The following PDZD2 variants were observed in gnomAD, a reference collection of about 807,000 sequenced individuals.
The protein encoded by PDZD2 is PDZ domain-containing protein 2.
A neutral mutation model predicts 220.7 loss-of-function variants in PDZD2; 90 were observed. The ratio of observed to expected loss-of-function variants is 0.41; its 90% CI spans 0.34 to 0.49. The LOEUF is 0.49. PDZD2 is among the 20% of genes least tolerant of loss of function. The probability of loss-of-function intolerance (pLI) is 0.28; values close to 1 mark genes in which losing one functional copy is unlikely to be tolerated. For missense variants in PDZD2, 3,174 were observed against 3,608.5 expected (o/e 0.88, Z 3.08); for synonymous variants, 1,375 against 1,450.5 (o/e 0.95, Z 1.18).
chr5:31,829,223 G>T (rs1756402941), intron 2 of PDZD2, among the ~76,000 whole-genome samples: 1 of 152,090 alleles, frequency 6.6e-6, no homozygotes, highest in Non-Finnish European at 1.5e-5. Context: ...TAGAGGTGTG[G>T]ATTTTTGGAG....
intron 1 of PDZD2, among the ~76,000 whole-genome samples, chr5:31,737,167 C>CTTTT (rs57379430): frequency 3.9e-3 from 261 of 66,300 alleles, no homozygotes; most frequent in African/African-American, 8.4e-3. Context: ...CAGTCTACTT[C>CTTTT]TTTTTTTTTT....
intron 1 of PDZD2, among the ~76,000 whole-genome samples, chr5:31,693,366 T>A (rs541978453): frequency 1.3e-5 from 2 of 150,986 alleles, no homozygotes; most frequent in African/African-American, 4.9e-5. Context: ...CTCAGCCTCC[T>A]GAGTAGCTGG....
At chr5:32,044,682 C>G (rs1737757488) in intron 7 of PDZD2, among the ~76,000 whole-genome samples, 1 of 152,166 alleles carries the variant, frequency 6.6e-6, no homozygotes, top group Non-Finnish European at 1.5e-5. Flanking sequence ...TTGTCAGAGT[C>G]ATTAGGGAAA....
intron 24 of PDZD2, among the ~76,000 whole-genome samples, chr5:32,104,715 C>CT (rs1554044988): frequency 1.2e-4 from 3 of 24,890 alleles, no homozygotes; most frequent in Admixed American, 7.0e-4. Context: ...AAGGCTCCAT[C>CT]TAAAAAAAAA....
intron 2 of PDZD2, chr5:31,822,598 A>G: frequency 8.1e-7 from 1 of 1,230,710 alleles, no homozygotes; most frequent in Admixed American, 1.8e-5. Flanking sequence ...TTTCAGAGAC[A>G]TAGATACCAT....
Position 32,091,118 on chromosome 5 carries a change from C to G in PDZD2, c.7670C>G (p.Ala2557Gly). Residue 2557 changes from alanine to glycine, a missense_variant, in exon 20 of 25, where the codon GCC (alanine) becomes GGC (glycine). Physicochemically the swap from Ala to Gly is moderately conservative, Grantham distance 60 (BLOSUM62 0). Coordinates refer to ENST00000438447, the MANE Select transcript of PDZD2 (RefSeq NM_178140.4). ...AGTGCTGCTGAGACACCCAGTTCAG[C>G]CAGTGATACGGGTGAAGCTGCCCAG... is the stretch of plus-strand genomic sequence containing the variant. ...KTSAAETPSS[A>G]SDTGEAAQDL... is the part of the protein sequence containing the mutation. 6.3e-7 allele frequency: 1 copy of G among 1,598,062 alleles called. No homozygotes were observed. The highest frequency in any genetic ancestry group is 1.1e-5 in the South Asian group (1 of 90,600).
chr5:32,092,858 G>A, intron 20 of PDZD2, 49 bp from the exon 21 acceptor site: 1 of 907,166 alleles, frequency 1.1e-6, no homozygotes, highest in Non-Finnish European at 1.7e-6. Flanking sequence ...ATAAAATGAA[G>A]AAATTGCTTT....
chr5:32,093,558 C>T (rs1160975978), intron 21 of PDZD2, among the ~76,000 whole-genome samples: 1 of 152,208 alleles, frequency 6.6e-6, no homozygotes, highest in African/African-American at 2.4e-5. Flanking sequence ...CTACTAACAA[C>T]CTACTGTTGA....
intron 1 of PDZD2, among the ~76,000 whole-genome samples, chr5:31,726,639 C>T (rs1749159299): frequency 6.6e-6 from 1 of 152,176 alleles, no homozygotes. Context: ...TTTTGTACCC[C>T]TCAGCAGATC....
chr5:31,849,411 A>G (rs1041215299), intron 2 of PDZD2, among the ~76,000 whole-genome samples: 8 of 152,180 alleles, frequency 5.3e-5, no homozygotes, highest in African/African-American at 1.9e-4. Context: ...TAAATAAAGT[A>G]CTTAGCACAG....
chr5:32,064,696 G>A (rs978290148), intron 14 of PDZD2, among the ~76,000 whole-genome samples: 8 of 152,156 alleles, frequency 5.3e-5, no homozygotes, highest in Admixed American at 3.3e-4. Flanking sequence ...GGGCGGGTGC[G>A]GTCGCTCACA....
intron 2 of PDZD2, among the ~76,000 whole-genome samples, chr5:31,842,101 T>A (rs1757346893): frequency 6.6e-6 from 1 of 152,236 alleles, no homozygotes; most frequent in African/African-American, 2.4e-5. Context: ...TTTGTAACTT[T>A]CTCTTGTCAC....
intron 2 of PDZD2, among the ~76,000 whole-genome samples, chr5:31,921,879 G>A (rs967417161): frequency 6.6e-6 from 1 of 152,126 alleles, no homozygotes; most frequent in African/African-American, 2.4e-5. Flanking sequence ...GAGAGGCTTT[G>A]CCCTAGTGCC....
At position 32,059,342 on chromosome 5, in the gene PDZD2, G is replaced by T. The variant is rs756573162; in HGVS notation, c.2304G>T (p.Met768Ile). 6.3e-7 allele frequency: 1 copy of T among 1,592,584 alleles called. No homozygotes were observed. The highest frequency in any genetic ancestry group is 1.7e-4 in the Middle Eastern group (1 of 6,028). Residue 768 changes from methionine to isoleucine, a missense_variant, in exon 13 of 25, where the codon ATG (methionine) becomes ATT (isoleucine). Physicochemically the swap from Met to Ile is conservative, Grantham distance 10 (BLOSUM62 1). This residue lies in a region of PDZD2 where 1,861 missense variants were observed against 2,001.0 expected (regional missense o/e 0.93). Transcript: ENST00000438447. ...HSLAPGSVAK[M>I]ESNLSRGDQI... is the part of the protein sequence containing the mutation. ...TTGCTCCAGGATCAGTGGCCAAGATGGAGAGCAACCTGAGGTTTGTTGTTT... is the reference window on the plus strand; with the variant it reads ...TTGCTCCAGGATCAGTGGCCAAGATTGAGAGCAACCTGAGGTTTGTTGTTT...
In PDZD2 at chr5:31,929,768, C is replaced by T. The variant is rs563335043; in HGVS notation, c.477-53387C>T. ...TCGGGAGGCTGAAAAAAAAAAGCAGCGGCTAGCATGACTATCTGTGGGTTT... is the reference window on the plus strand; with the variant it reads ...TCGGGAGGCTGAAAAAAAAAAGCAGTGGCTAGCATGACTATCTGTGGGTTT... On this transcript the variant is annotated intron_variant, in intron 2 of 24. Coordinates refer to ENST00000438447, the MANE Select transcript of PDZD2 (RefSeq NM_178140.4). Among the ~76,000 whole-genome samples, 8 of 151,778 alleles carry T rather than the reference C, an allele frequency of 5.3e-5. 1 individual carries two copies. The East Asian group carries it at 7.7e-4, about 15-fold the overall frequency.
At position 32,097,974 on chromosome 5, in the gene PDZD2, C is replaced by G. The variant is rs564197496; in HGVS notation, c.7948-390C>G. On this transcript the variant is annotated intron_variant, in intron 22 of 24. Transcript: ENST00000438447. ...CTTAGAAAGTTCCTTTACTACAAGACCCGGCACGGTGGCTCACGCCTGTAA... is the reference window on the plus strand; with the variant it reads ...CTTAGAAAGTTCCTTTACTACAAGAGCCGGCACGGTGGCTCACGCCTGTAA... Among the ~76,000 whole-genome samples, 6 of 152,346 alleles carry G rather than the reference C, an allele frequency of 3.9e-5. No homozygotes were observed. The South Asian group carries it at 1.0e-3, about 26-fold the overall frequency.
chr5:31,821,900 T>G (rs1755891969), intron 2 of PDZD2, among the ~76,000 whole-genome samples: 1 of 150,796 alleles, frequency 6.6e-6, no homozygotes, highest in African/African-American at 2.4e-5. Context: ...TGTGTCCGTG[T>G]GTTCTCATTG....
rs933748285 is a variant in PDZD2 at position 31,934,773 on chromosome 5, T to G, written c.477-48382T>G. On this transcript the variant is annotated intron_variant, in intron 2 of 24. Coordinates refer to ENST00000438447, the MANE Select transcript of PDZD2 (RefSeq NM_178140.4). ...ATTTATACTGGATAAAACTCTAAAA[T>G]AAATGAATATACTAAAAAACACCAA... Among the ~76,000 whole-genome samples the G allele has an allele frequency of 1.3e-4, 20 of 152,018 alleles. 1 individual carries two copies. Among genetic ancestry groups the G allele is most frequent in the Admixed American group, 1.3e-3 (20 of 15,234 alleles).
At chr5:31,674,060 A>C (rs1051829178) in intron 1 of PDZD2, among the ~76,000 whole-genome samples, 1 of 152,126 alleles carries the variant, frequency 6.6e-6, no homozygotes, top group Non-Finnish European at 1.5e-5. Flanking sequence ...CTCAACAAGA[A>C]CTGAATCTGC....
Sources: allele counts gnomAD v4.1 joint callset (sites outside exome capture counted in the v4.1 genomes callset), GRCh38; gene constraint gnomAD v4.1.1; regional missense constraint gnomAD v4.1.1; transcripts MANE v1.5; gene names NCBI Gene and HGNC (gene_info 2026-07-23, HGNC 2026-07-21).